The following PALS1 variants were observed in gnomAD, a reference collection of about 807,000 sequenced individuals.
PALS1 encodes protein PALS1.
Under a neutral mutation model 78.9 loss-of-function variants are expected in PALS1, and 31 were observed. The observed-to-expected ratio is 0.39, with a 90% CI of 0.30 to 0.53. The LOEUF is 0.53. PALS1 is among the 20% of genes least tolerant of loss of function. The probability of loss-of-function intolerance (pLI) is 0.67; values close to 1 mark genes in which losing one functional copy is unlikely to be tolerated. For synonymous variants in PALS1, 276 were observed against 270.9 expected, an observed-to-expected ratio of 1.02 and a Z score of -0.18; for missense variants, 704 against 826.5, an observed-to-expected ratio of 0.85 and a Z score of 1.82.
chr14:67,315,640 T>A (rs2085159186), intron 9 of PALS1, among the ~76,000 whole-genome samples: 1 of 152,220 alleles, frequency 6.6e-6, no homozygotes, highest in African/African-American at 2.4e-5. Context: ...AAGAATACAG[T>A]CTTGGCCGTG....
At chr14:67,257,122 C>T (rs940183279) in intron 1 of PALS1, among the ~76,000 whole-genome samples, 3 of 152,036 alleles carry the variant, frequency 2.0e-5, no homozygotes, top group Admixed American at 6.6e-5. Flanking sequence ...TAAGAGTTAG[C>T]GGGGATCATA....
intron 1 of PALS1, among the ~76,000 whole-genome samples, chr14:67,245,857 T>C (rs2083978948): frequency 6.7e-6 from 1 of 149,626 alleles, no homozygotes; most frequent in Non-Finnish European, 1.5e-5. Flanking sequence ...CAGAGAGATT[T>C]TTCTCCAATT....
intron 8 of PALS1, among the ~76,000 whole-genome samples, chr14:67,305,522 C>T (rs2084989562): frequency 6.6e-6 from 1 of 152,202 alleles, no homozygotes; most frequent in African/African-American, 2.4e-5. Context: ...CTCAAGTGGT[C>T]CACCCGCCTC....
chr14:67,317,724 CTT>C (rs947518193), intron 11 of PALS1, among the ~76,000 whole-genome samples: 7 of 152,150 alleles, frequency 4.6e-5, no homozygotes, highest in Admixed American at 6.5e-5. Flanking sequence ...TACTTAAACT[CTT>C]TGCAAAAATT....
intron 11 of PALS1, among the ~76,000 whole-genome samples, chr14:67,319,962 G>A (rs186661912): frequency 6.6e-6 from 1 of 152,220 alleles, no homozygotes; most frequent in African/African-American, 2.4e-5. Flanking sequence ...AGTATTGACT[G>A]CAAATTAGCT....
At position 67,279,441 on chromosome 14, in the gene PALS1, G is replaced by A; in HGVS notation, c.271G>A (p.Ala91Thr). The A allele has an allele frequency of 6.2e-7, 1 of 1,613,462 alleles. No homozygotes were observed. The highest frequency in any genetic ancestry group is 8.5e-7 in the Non-Finnish European group (1 of 1,179,796). The change falls in exon 3 of 15, where the codon GCC becomes ACC. Residue 91 changes from alanine (A) to threonine (T), a missense_variant. By Grantham distance (58) the Ala-to-Thr change is moderately conservative. Coordinates refer to ENST00000261681, the MANE Select transcript of PALS1 (RefSeq NM_022474.4). ...TTCTTCCATGAGACTTAAGAAACTA[G>A]CCCAAATTCCTCCAAAGACCGGAAT... is the stretch of plus-strand genomic sequence containing the variant. ...LNSSMRLKKL[A>T]QIPPKTGIDN...
At chr14:67,316,211 C>T (rs1329344193) in intron 9 of PALS1, among the ~76,000 whole-genome samples, 1 of 152,080 alleles carries the variant, frequency 6.6e-6, no homozygotes, top group African/African-American at 2.4e-5. Flanking sequence ...GAAAAGAAAA[C>T]CTCTTTCAAG....
intron 4 of PALS1, chr14:67,294,792 C>G (rs1341740169): frequency 6.6e-6 from 1 of 152,224 alleles, no homozygotes; most frequent in Non-Finnish European, 1.5e-5. Flanking sequence ...CCTGCCTCAG[C>G]CTTCGGAGTA....
At chr14:67,254,982 C>T (rs1366805332) in intron 1 of PALS1, among the ~76,000 whole-genome samples, 1 of 152,144 alleles carries the variant, frequency 6.6e-6, no homozygotes, top group African/African-American at 2.4e-5. Context: ...AACCTCTTCT[C>T]TACTAAAAAT....
chr14:67,317,306 A>G lies in PALS1; in HGVS notation c.1298-102A>G, dbSNP rs2085191245. On this transcript the variant is annotated intron_variant, in intron 10 of 14. Coordinates refer to ENST00000261681, the MANE Select transcript of PALS1 (RefSeq NM_022474.4). ...ATGGAGATCTCGTTTCTGCAAAAAAATTTAAAGAATAAATGAATGAATAAA... is the reference window on the plus strand; with the variant it reads ...ATGGAGATCTCGTTTCTGCAAAAAAGTTTAAAGAATAAATGAATGAATAAA... The G allele has an allele frequency of 2.7e-6, 3 of 1,095,358 alleles. No homozygotes were observed. In the East Asian group the frequency reaches 8.1e-5, roughly 29 times the overall value. 67.9% of individuals were successfully genotyped at this position (1,095,358 alleles called of 1,614,324 possible).
chr14:67,290,178 C>T (rs1400050782), intron 3 of PALS1, among the ~76,000 whole-genome samples: 1 of 152,078 alleles, frequency 6.6e-6, no homozygotes, highest in Non-Finnish European at 1.5e-5. Context: ...CTCAATAGGA[C>T]TTTTCTTTTT....
At chr14:67,272,071 A>C (rs948831248) in intron 2 of PALS1, 3 of 152,100 alleles carry the variant, frequency 2.0e-5, no homozygotes, top group African/African-American at 7.2e-5. Context: ...AAAAAAAAAA[A>C]AAAGTTCAAG....
chr14:67,289,435 C>T (rs1272092915), intron 3 of PALS1, among the ~76,000 whole-genome samples: 1 of 152,034 alleles, frequency 6.6e-6, no homozygotes, highest in Non-Finnish European at 1.5e-5. Flanking sequence ...AATACTCCAC[C>T]ATTTTATATA....
intron 1 of PALS1, among the ~76,000 whole-genome samples, chr14:67,244,274 T>G (rs2083951966): frequency 6.6e-6 from 1 of 152,222 alleles, no homozygotes; most frequent in African/African-American, 2.4e-5. Flanking sequence ...TACCTATAAG[T>G]GGAATTGCTG....
At chr14:67,288,964 C>CTT (rs36044460) in intron 3 of PALS1, among the ~76,000 whole-genome samples, 3 of 107,070 alleles carry the variant, frequency 2.8e-5, no homozygotes, top group South Asian at 3.1e-4. Flanking sequence ...TCTTTATTTC[C>CTT]TTTTTTTTTT....
chr14:67,261,230 A>T (rs1595567158), intron 1 of PALS1, among the ~76,000 whole-genome samples: 1 of 152,330 alleles, frequency 6.6e-6, no homozygotes, highest in East Asian at 1.9e-4. Flanking sequence ...CGGAAAGTTA[A>T]TCTGGCAATA....
At chr14:67,304,285 C>A (rs10135903) in intron 8 of PALS1, among the ~76,000 whole-genome samples, 23,511 of 152,054 alleles carry the variant, frequency 0.15, 3,421 homozygotes, top group East Asian at 0.42. Flanking sequence ...CAAGCAATTG[C>A]ATTCCAAAGT....
intron 8 of PALS1, among the ~76,000 whole-genome samples, chr14:67,306,340 CTCTTT>C (rs2085003288): frequency 6.6e-6 from 1 of 151,588 alleles, no homozygotes; most frequent in Non-Finnish European, 1.5e-5. Context: ...TCCTTCTTTT[CTCTTT>C]TGTTTTTTGT....
rs71446332 is a variant in PALS1, at chr14:67,280,853, TTCCC to T, written c.367+1342_367+1345del. On this transcript the variant is annotated intron_variant, in intron 3 of 14. Coordinates refer to ENST00000261681, the MANE Select transcript of PALS1 (RefSeq NM_022474.4). ...CTTCCTTCCTTCCTTCCTTCCTTCCTTCCCTCCCTCCCTCCCTCCCTCCCTCCCT... is the reference window on the plus strand; with the variant it reads ...CTTCCTTCCTTCCTTCCTTCCTTCCTTCCCTCCCTCCCTCCCTCCCTCCCT... 3.7e-3 allele frequency among the ~76,000 whole-genome samples: 289 copies of T among 77,524 alleles called. 2 individuals carry two copies. Among genetic ancestry groups the T allele is most frequent in the Non-Finnish European group, 4.4e-3 (212 of 47,736 alleles). The allele number at this position is 77,524 out of a possible 152,430, so 50.9% of individuals were successfully genotyped here.
Sources: allele counts gnomAD v4.1 joint callset (sites outside exome capture counted in the v4.1 genomes callset), GRCh38; gene constraint gnomAD v4.1.1; transcripts MANE v1.5; gene names NCBI Gene and HGNC (gene_info 2026-07-23, HGNC 2026-07-21).